The following COPS2 variants were observed in gnomAD, a reference collection of about 807,000 sequenced individuals.
The protein encoded by COPS2 is COP9 signalosome complex subunit 2.
Under a neutral mutation model 66.1 loss-of-function variants are expected in COPS2, and 10 were observed. The ratio of observed to expected loss-of-function variants is 0.15; its 90% CI spans 0.09 to 0.26. COPS2 has a LOEUF of 0.26. Among genes scored for constraint, COPS2 ranks in the 10% least tolerant of loss-of-function variants. COPS2 has a pLI of 1.00. For missense variants in COPS2, 215 were observed against 513.3 expected (o/e 0.42, Z 5.62); for synonymous variants, 179 against 171.3 (o/e 1.04, Z -0.35).
Position 49,125,061 on chromosome 15 carries a change from A to G in COPS2, c.*2889T>C, listed in dbSNP as rs1450929592. On this transcript the variant is annotated 3_prime_UTR_variant, in exon 13 of 13. Transcript: ENST00000388901. ...ATGGATATTTTAAATATTAAGAATA[A>G]GAGTTTTTCAGTCTAAGACAAACCT... The G allele has an allele frequency of 2.0e-5, 3 of 152,188 alleles. No individual in the cohort carries two copies. Among genetic ancestry groups the G allele is most frequent in the African/African-American group, 4.8e-5 (2 of 41,462 alleles). The allele number at this position is 152,188 out of a possible 1,614,324, so 9.4% of individuals were successfully genotyped here. A position where few individuals can be genotyped will look rare whatever the true frequency, so the allele number is the denominator to read the frequency against.
intron 10 of COPS2, 33 bp from the exon 11 acceptor site, chr15:49,129,592 T>C: frequency 8.5e-7 from 1 of 1,171,842 alleles, no homozygotes; most frequent in Non-Finnish European, 1.2e-6. Context: ...AACATTTTAT[T>C]TAACAGTTTG....
At chr15:49,134,236 C>T (rs751716297) in intron 7 of COPS2, 104 bp downstream of exon 7, 2 of 1,400,454 alleles carry the variant, frequency 1.4e-6, no homozygotes, top group Non-Finnish European at 2.0e-6. Context: ...AACTTGAATA[C>T]TACTGGCCCC....
chr15:49,145,524 G>T (rs531753658), intron 1 of COPS2, among the ~76,000 whole-genome samples: 2 of 151,596 alleles, frequency 1.3e-5, no homozygotes, highest in East Asian at 3.9e-4. Flanking sequence ...TTGTAACACG[G>T]TTTAAAACCA....
chr15:49,128,896 A>T, intron 11 of COPS2, 136 bp from the exon 12 acceptor site: 1 of 584,804 alleles, frequency 1.7e-6, no homozygotes, highest in Non-Finnish European at 3.0e-6. Context: ...ATATTTCATT[A>T]TCACTTCAAA....
intron 1 of COPS2, among the ~76,000 whole-genome samples, chr15:49,150,665 C>G (rs2084354089): frequency 6.6e-6 from 1 of 152,060 alleles, no homozygotes; most frequent in African/African-American, 2.4e-5. Context: ...GAACAGAAAA[C>G]CAAATACTGC....
At chr15:49,136,007 C>G (rs2084248449) in intron 6 of COPS2, among the ~76,000 whole-genome samples, 1 of 152,138 alleles carries the variant, frequency 6.6e-6, no homozygotes, top group African/African-American at 2.4e-5. Context: ...GTTGGTTATG[C>G]ATCAGACTAA....
At chr15:49,137,489 T>A in intron 4 of COPS2, 52 bp from the exon 5 acceptor site, 1 of 1,259,798 alleles carries the variant, frequency 7.9e-7, no homozygotes. Context: ...TTTGTACCTG[T>A]TAATAAAGTT....
At position 49,128,094 on chromosome 15, in the gene COPS2, G is replaced by T. The variant is rs1311699082; in HGVS notation, c.1188C>A (p.Asn396Lys). Residue 396 changes from asparagine to lysine, a missense_variant and splice_region_variant, in exon 13 of 13, where the codon AAC becomes AAA. Asn to Lys is a moderately conservative substitution (Grantham distance 94). This residue lies in a region of COPS2 where 42 missense variants were observed against 55.9 expected (regional missense o/e 0.75). Coordinates refer to ENST00000388901, the MANE Select transcript of COPS2 (RefSeq NM_004236.4). ...ESLLVQCILDNTIHGRIDQVN... is the reference protein window; with the variant it reads ...ESLLVQCILDKTIHGRIDQVN... The stretch of plus-strand genomic sequence containing the variant: ...CTTGATCAATTCGGCCATGAATAGT[G>T]CTAGAAAGAAATAAATAAGATGTGT... 1.2e-6 allele frequency: 2 copies of T among 1,612,066 alleles called. No individual in the cohort carries two copies. Among genetic ancestry groups the T allele is most frequent in the Non-Finnish European group, 1.7e-6 (2 of 1,179,008 alleles).
At chr15:49,134,204 C>G (rs757385253) in intron 7 of COPS2, 96 bp from the exon 8 acceptor site, 1 of 1,393,808 alleles carries the variant, frequency 7.2e-7, no homozygotes, top group Middle Eastern at 1.9e-4. Flanking sequence ...TATTTCAGTG[C>G]CTTTCAGTTT....
intron 6 of COPS2, 21 bp from the exon 7 acceptor site, chr15:49,134,535 C>T (rs1165844216): frequency 6.4e-7 from 1 of 1,573,422 alleles, no homozygotes; most frequent in East Asian, 2.2e-5. Context: ...AAATATTTAA[C>T]TTTAGACAAG....
In COPS2 at chr15:49,126,021, A is replaced by G. The variant is rs1462800620; in HGVS notation, c.*1929T>C. 2 of 152,480 alleles carry G rather than the reference A, an allele frequency of 1.3e-5. No homozygotes were observed. The highest frequency in any genetic ancestry group is 2.9e-5 in the Non-Finnish European group (2 of 67,956). The allele number at this position is 152,480 out of a possible 1,614,324, so 9.4% of individuals were successfully genotyped here. A position where few individuals can be genotyped will look rare whatever the true frequency, so the allele number is the denominator to read the frequency against. ...CTTTCAAGGGTTATCACATGCATAC[A>G]TATTTGAATACAGGCACAAAAACTC... is the stretch of plus-strand genomic sequence containing the variant. On this transcript the variant is annotated 3_prime_UTR_variant, in exon 13 of 13. Coordinates refer to ENST00000388901, the MANE Select transcript of COPS2 (RefSeq NM_004236.4).
intron 1 of COPS2, 80 bp downstream of exon 1, chr15:49,155,445 G>A (rs934942855): frequency 9.8e-6 from 13 of 1,330,202 alleles, no homozygotes; most frequent in African/African-American, 1.4e-5. Flanking sequence ...GCTCTACGGG[G>A]AGAGGCCGCG....
rs2084182949 is a variant in COPS2, at chr15:49,128,178, C to G, written c.1188-84G>C. ...ATTAATGTTTCATAAAATACAGTAT[C>G]AACAAATGCCAAAAAAAAAGCAGCT... On this transcript the variant is annotated intron_variant, in intron 12 of 12. Coordinates refer to ENST00000388901, the MANE Select transcript of COPS2 (RefSeq NM_004236.4). The G allele has an allele frequency of 6.2e-6, 8 of 1,290,444 alleles. 1 individual carries two copies. The African/African-American group carries it at 1.0e-4, about 17-fold the overall frequency. 79.9% of individuals were successfully genotyped at this position (1,290,444 alleles called of 1,614,324 possible).
chr15:49,150,332 T>C (rs1047370252), intron 1 of COPS2, among the ~76,000 whole-genome samples: 1 of 151,984 alleles, frequency 6.6e-6, no homozygotes, highest in African/African-American at 2.4e-5. Flanking sequence ...TTTTTCTATA[T>C]TTTTCCCACC....
At chr15:49,147,340 A>G (rs952937222) in intron 1 of COPS2, among the ~76,000 whole-genome samples, 1 of 152,302 alleles carries the variant, frequency 6.6e-6, no homozygotes, top group East Asian at 1.9e-4. Flanking sequence ...TCTGATTTAC[A>G]TTGATCACAA....
chr15:49,133,131 G>A (rs2084225501), intron 9 of COPS2, among the ~76,000 whole-genome samples: 1 of 151,864 alleles, frequency 6.6e-6, no homozygotes. Context: ...TGAGACTACA[G>A]GCGCCTGCCA....
chr15:49,135,442 A>T (rs1370226321), intron 6 of COPS2, among the ~76,000 whole-genome samples: 1 of 152,188 alleles, frequency 6.6e-6, no homozygotes, highest in Admixed American at 6.5e-5. Flanking sequence ...CTAGTAGAAG[A>T]TTAATCTGTC....
chr15:49,134,152 G>C lies in COPS2; in HGVS notation c.716-44C>G, dbSNP rs542019704. ...GAGAAAATAGGACATTTTCAGTTCT[G>C]TAATAACAAAACTGACCACCTCATA... On this transcript the variant is annotated intron_variant, in intron 7 of 12. Transcript: ENST00000388901. 3.2e-6 allele frequency: 5 copies of C among 1,541,520 alleles called. No individual in the cohort carries two copies. In the South Asian group the frequency reaches 6.0e-5, roughly 19 times the overall value.
At chr15:49,150,731 G>T (rs915136592) in intron 1 of COPS2, among the ~76,000 whole-genome samples, 2 of 152,082 alleles carry the variant, frequency 1.3e-5, no homozygotes, top group Non-Finnish European at 2.9e-5. Flanking sequence ...CACAAAGAAG[G>T]GAACAGACAC....
Sources: allele counts gnomAD v4.1 joint callset (sites outside exome capture counted in the v4.1 genomes callset), GRCh38; gene constraint gnomAD v4.1.1; regional missense constraint gnomAD v4.1.1; transcripts MANE v1.5; gene names NCBI Gene and HGNC (gene_info 2026-07-23, HGNC 2026-07-21).